The following MCF2 variants were observed in gnomAD, a reference collection of about 807,000 sequenced individuals.
MCF2 encodes the protein proto-oncogene DBL.
A neutral mutation model predicts 82.5 loss-of-function variants in MCF2; 44 were observed. The observed-to-expected ratio is 0.53, with a 90% confidence interval of 0.42 to 0.69. The LOEUF is 0.69. Ranked by LOEUF, MCF2 falls within the 30% of genes least tolerant of loss-of-function variation. The probability of loss-of-function intolerance (pLI) is 0.00; values close to 1 mark genes in which losing one functional copy is unlikely to be tolerated. For missense variants in MCF2, 623 were observed against 663.1 expected (o/e 0.94, Z 0.66); for synonymous variants, 217 against 224.9 (o/e 0.96, Z 0.32).
chrX:139,638,463 G>A (rs1380089068), intron 1 of MCF2, among the ~76,000 whole-genome samples: 3 of 111,386 alleles, frequency 2.7e-5, no homozygotes, highest in South Asian at 3.8e-4. Context: ...CCTATATGAC[G>A]AGGAGCAACA....
chrX:139,661,256 C>T (rs1330131438), intron 1 of MCF2, among the ~76,000 whole-genome samples: 1 of 111,363 alleles, frequency 9.0e-6, no homozygotes, highest in African/African-American at 3.3e-5. Context: ...ATAGGATGAT[C>T]TAGTTAAAGC....
intron 7 of MCF2, among the ~76,000 whole-genome samples, chrX:139,617,946 C>T (rs1037176818): frequency 1.0e-4 from 11 of 110,544 alleles, no homozygotes; most frequent in Middle Eastern, 4.2e-3. Flanking sequence ...GAAGCTCATG[C>T]ATTTCTGGTT....
chrX:139,690,338 G>GTTTTTTTTTTTTTTTTTTTTT (rs145515088), intron 1 of MCF2, among the ~76,000 whole-genome samples: 2 of 75,753 alleles, frequency 2.6e-5, no homozygotes, highest in Non-Finnish European at 2.4e-5. Flanking sequence ...CTCCAAAGGA[G>GTTTTTTTTTTTTTTTTTTTTT]TTTTTTTTTT....
At chrX:139,597,662 G>A in intron 17 of MCF2, 77 bp from the exon 22 acceptor site, 1 of 827,012 alleles carries the variant, frequency 1.2e-6, no homozygotes, top group East Asian at 4.0e-5. Flanking sequence ...TGGCTAACAT[G>A]CTTTCAAGCT....
At position 139,654,087 on chromosome X, in the gene MCF2, T is replaced by C. The variant is rs143920093; in HGVS notation, c.-44-2299A>G. Among the ~76,000 whole-genome samples, 362 of 112,167 alleles carry C rather than the reference T, an allele frequency of 3.2e-3. 2 individuals carry two copies. Among genetic ancestry groups the C allele is most frequent in the African/African-American group, 0.011 (339 of 30,902 alleles). ...GAGTCCATATTTTGGCTATTGTAAA[T>C]AGTGCTGCAATAAACATGGGAGTGT... On this transcript the variant is annotated intron_variant, in intron 1 of 27. Coordinates refer to the MCF2 transcript ENST00000414978.
chrX:139,630,722 C>A (rs1932895334), intron 3 of MCF2, among the ~76,000 whole-genome samples: 1 of 111,690 alleles, frequency 9.0e-6, no homozygotes, highest in South Asian at 3.7e-4. Context: ...CAGAAGGGTT[C>A]CCCTATCTCT....
At chrX:139,616,323 G>C in exon 9 of MCF2, 1 of 1,158,108 alleles carries the variant, frequency 8.6e-7, no homozygotes, top group Non-Finnish European at 1.2e-6. Context: ...TCATACTGCA[G>C]TGTTTCAGGT....
intron 1 of MCF2, among the ~76,000 whole-genome samples, chrX:139,660,041 T>C (rs925593908): frequency 1.8e-5 from 2 of 111,869 alleles, no homozygotes; most frequent in African/African-American, 6.5e-5. Flanking sequence ...ATACCATTCA[T>C]ACATACCATT....
At chrX:139,652,455 G>C (rs1217667699) in intron 1 of MCF2, among the ~76,000 whole-genome samples, 1 of 111,351 alleles carries the variant, frequency 9.0e-6, no homozygotes, top group Non-Finnish European at 1.9e-5. Flanking sequence ...TGGCATAATG[G>C]TAAGTGTTCA....
At chrX:139,586,897 T>A (rs781279333) in intron 22 of MCF2, among the ~76,000 whole-genome samples, 1 of 111,695 alleles carries the variant, frequency 9.0e-6, no homozygotes, top group South Asian at 3.8e-4. Flanking sequence ...CTAAAGATGT[T>A]ACTCCTATAA....
exon 23 of MCF2, chrX:139,586,460 A>C: frequency 2.5e-6 from 3 of 1,205,728 alleles, no homozygotes; most frequent in Non-Finnish European, 3.4e-6. Context: ...CAGTTTCCTC[A>C]GTACTTATAA....
chrX:139,586,477 C>G lies in MCF2; in HGVS notation c.2533G>C (p.Gly845Arg), dbSNP rs1022341496. Reference sequence around the variant, plus strand: ...GTTTCCTCAGTACTTATAAAAGCTCCCTGTTGCTTTCTGAAATAGTGATGT... The same window carrying G: ...GTTTCCTCAGTACTTATAAAAGCTCGCTGTTGCTTTCTGAAATAGTGATGT... The change falls in exon 23 of 25, where the codon GGA (glycine) becomes CGA (arginine). Residue 845 changes from glycine to arginine, a missense_variant. Coordinates refer to ENST00000370576, the Ensembl canonical transcript of MCF2. 5 of 1,187,703 alleles carry G rather than the reference C, an allele frequency of 4.2e-6. No homozygotes were observed. The African/African-American group carries it at 8.8e-5, about 21-fold the overall frequency.
chrX:139,691,138 G>T (rs1935252879), intron 1 of MCF2, among the ~76,000 whole-genome samples: 1 of 111,670 alleles, frequency 9.0e-6, no homozygotes, highest in Admixed American at 9.5e-5. Flanking sequence ...CTTTGCTTTT[G>T]TTTGTCCTTC....
intron 8 of MCF2, among the ~76,000 whole-genome samples, chrX:139,616,713 C>T (rs1004933244): frequency 5.4e-5 from 6 of 110,752 alleles, no homozygotes; most frequent in African/African-American, 2.0e-4. Context: ...GATACACAGC[C>T]GAGGTTGGGA....
intron 19 of MCF2, among the ~76,000 whole-genome samples, chrX:139,591,453 C>CT (rs1217315050): frequency 3.4e-4 from 38 of 110,841 alleles, no homozygotes; most frequent in Non-Finnish European, 6.8e-4. Context: ...ATGTGTTGCA[C>CT]ATAGTAAGGA....
chrX:139,593,689 T>C (rs1929742912), intron 19 of MCF2, among the ~76,000 whole-genome samples: 1 of 111,319 alleles, frequency 9.0e-6, no homozygotes, highest in Admixed American at 9.6e-5. Flanking sequence ...TTATCCACCA[T>C]GATCAAGCGG....
At chrX:139,662,943 A>G (rs1269976647) in intron 1 of MCF2, among the ~76,000 whole-genome samples, 1 of 112,038 alleles carries the variant, frequency 8.9e-6, no homozygotes, top group Admixed American at 9.4e-5. Context: ...AATGACCTAC[A>G]GTTTCATCCA....
chrX:139,628,356 A>C (rs1413983191), intron 4 of MCF2, among the ~76,000 whole-genome samples: 2 of 112,112 alleles, frequency 1.8e-5, no homozygotes, highest in Non-Finnish European at 3.8e-5. Context: ...CATTATCCTA[A>C]GCAAATTAAT....
intron 1 of MCF2, among the ~76,000 whole-genome samples, chrX:139,683,224 G>A (rs1454262513): frequency 1.8e-5 from 2 of 112,763 alleles, no homozygotes; most frequent in African/African-American, 3.2e-5. Context: ...GAGAGCCACC[G>A]CGCCCAGCCA....
Sources: allele counts gnomAD v4.1 joint callset (sites outside exome capture counted in the v4.1 genomes callset), GRCh38; gene constraint gnomAD v4.1.1; transcripts MANE v1.5; gene names NCBI Gene and HGNC (gene_info 2026-07-23, HGNC 2026-07-21).